The following FRYL variants were observed in gnomAD, a reference collection of about 807,000 sequenced individuals.
FRYL encodes the protein protein furry homolog-like.
A neutral mutation model predicts 351.2 loss-of-function variants in FRYL; 150 were observed. The observed-to-expected ratio is 0.43, with a 90% CI of 0.37 to 0.49. The LOEUF (loss-of-function observed/expected upper bound fraction) is 0.49, where lower values mean the gene tolerates loss of function less well. Among genes scored for constraint, FRYL ranks in the 20% least tolerant of loss-of-function variants. The pLI, the probability that FRYL is intolerant of heterozygous loss-of-function variation, is 0.00. For missense variants in FRYL, 3,036 were observed against 3,619.3 expected, an observed-to-expected ratio of 0.84 and a Z score of 4.13; for synonymous variants, 1,153 against 1,257.1, an observed-to-expected ratio of 0.92 and a Z score of 1.75.
At chr4:48,539,233 A>G (rs2148923409) in intron 47 of FRYL, among the ~76,000 whole-genome samples, 1 of 152,292 alleles carries the variant, frequency 6.6e-6, no homozygotes, top group Non-Finnish European at 1.5e-5. Context: ...TGGAGTAGAG[A>G]GAGAAGATGA....
chr4:48,617,824 C>G lies in FRYL; in HGVS notation c.411+1450G>C, dbSNP rs78122141. On this transcript the variant is annotated intron_variant, in intron 7 of 63. Coordinates refer to ENST00000358350, the MANE Select transcript of FRYL (RefSeq NM_015030.2). Reference sequence around the variant, plus strand: ...AGAAAAGGATGCCATGGGAAATGAACGAAGGAGGAAGGCACAATGGGGCCA... The same window carrying G: ...AGAAAAGGATGCCATGGGAAATGAAGGAAGGAGGAAGGCACAATGGGGCCA... 8.5e-5 allele frequency: 13 copies of G among 152,302 alleles called. No homozygotes were observed. The East Asian group carries it at 2.5e-3, about 29-fold the overall frequency. 9.4% of individuals were successfully genotyped at this position (152,302 alleles called of 1,614,324 possible). A position where few individuals can be genotyped will look rare whatever the true frequency, so the allele number is the denominator to read the frequency against.
chr4:48,528,400 G>T (rs1726750838), intron 50 of FRYL, 64 bp from the exon 51 acceptor site: 4 of 1,279,172 alleles, frequency 3.1e-6, no homozygotes, highest in Non-Finnish European at 1.1e-6. Flanking sequence ...ACTTAAAAGG[G>T]TTAACAGTGC....
At chr4:48,526,549 C>G (rs1726275085) in intron 53 of FRYL, among the ~76,000 whole-genome samples, 1 of 152,054 alleles carries the variant, frequency 6.6e-6, no homozygotes, top group Admixed American at 6.6e-5. Flanking sequence ...TGGATGTGAC[C>G]CTCACCTCCT....
At chr4:48,759,908 T>C (rs775962236) in intron 1 of FRYL, among the ~76,000 whole-genome samples, 22 of 152,220 alleles carry the variant, frequency 1.4e-4, no homozygotes, top group Non-Finnish European at 2.5e-4. Flanking sequence ...GAACATAACA[T>C]GCACAGGTTC....
chr4:48,573,334 G>C (rs1401110491), intron 25 of FRYL, 91 bp from the exon 26 acceptor site: 11 of 815,250 alleles, frequency 1.3e-5, no homozygotes, highest in Middle Eastern at 2.7e-4. Flanking sequence ...AAACTGACAA[G>C]TGTTAATTCC....
chr4:48,741,927 C>G (rs1772130359), intron 1 of FRYL, among the ~76,000 whole-genome samples: 1 of 152,132 alleles, frequency 6.6e-6, no homozygotes, highest in African/African-American at 2.4e-5. Flanking sequence ...ACTTTGTATA[C>G]TATAATAGTG....
At chr4:48,761,999 T>C (rs1774469148) in intron 1 of FRYL, among the ~76,000 whole-genome samples, 1 of 152,118 alleles carries the variant, frequency 6.6e-6, no homozygotes. Context: ...AGATTCCTCA[T>C]GAATAGGATT....
At chr4:48,636,392 C>T (rs1754247073) in intron 3 of FRYL, among the ~76,000 whole-genome samples, 2 of 151,874 alleles carry the variant, frequency 1.3e-5, no homozygotes, top group African/African-American at 2.4e-5. Context: ...AAAGTTTCTC[C>T]GGCTTTAACT....
intron 1 of FRYL, among the ~76,000 whole-genome samples, chr4:48,755,344 T>C (rs1433911265): frequency 3.3e-5 from 5 of 152,156 alleles, no homozygotes; most frequent in African/African-American, 1.2e-4. Context: ...TTGATACACA[T>C]AGCCTCAACA....
chr4:48,609,845 A>C, intron 7 of FRYL, 22 bp from the exon 8 acceptor site: 1 of 1,332,688 alleles, frequency 7.5e-7, no homozygotes, highest in Non-Finnish European at 1.0e-6. Context: ...AAAAATTATC[A>C]AGTAAGAGTT....
At chr4:48,719,357 C>T (rs1327439689) in intron 1 of FRYL, among the ~76,000 whole-genome samples, 1 of 151,500 alleles carries the variant, frequency 6.6e-6, no homozygotes, top group Non-Finnish European at 1.5e-5. Context: ...TATTGAAATT[C>T]CTCTAAAATC....
At chr4:48,607,516 G>T (rs1044364333) in intron 9 of FRYL, among the ~76,000 whole-genome samples, 2 of 151,980 alleles carry the variant, frequency 1.3e-5, no homozygotes, top group Non-Finnish European at 2.9e-5. Flanking sequence ...TAGAATCCAA[G>T]GATTTTTTCC....
rs202093859 is a variant in FRYL at position 48,561,599 on chromosome 4, A to G, written c.3734T>C (p.Leu1245Ser). ...TACTCCATCTGTTCTCTGAACCTCCAATTTGTGAGCATAGCGAAACATCTT... is the reference window on the plus strand; with the variant it reads ...TACTCCATCTGTTCTCTGAACCTCCGATTTGTGAGCATAGCGAAACATCTT... ...EPKMFRYAHK[L>S]EVQRTDGVLS... Residue 1245 changes from leucine (L) to serine (S), a missense_variant, in exon 33 of 64, where the codon TTG (leucine) becomes TCG (serine). Transcript: ENST00000358350. 1.7e-5 allele frequency: 28 copies of G among 1,611,730 alleles called. No individual in the cohort carries two copies. In the African/African-American group the frequency reaches 2.8e-4, roughly 16 times the overall value.
intron 3 of FRYL, among the ~76,000 whole-genome samples, chr4:48,647,562 G>A (rs1279398201): frequency 4.6e-5 from 7 of 152,092 alleles, no homozygotes; most frequent in Non-Finnish European, 7.4e-5. Flanking sequence ...TAATGAGTCC[G>A]ATAATCAGCT....
chr4:48,731,767 T>G (rs998607140), intron 1 of FRYL, among the ~76,000 whole-genome samples: 1 of 152,112 alleles, frequency 6.6e-6, no homozygotes, highest in African/African-American at 2.4e-5. Context: ...TCCTTATACC[T>G]TATACAAAAA....
chr4:48,761,684 T>C (rs1774436241), intron 1 of FRYL, among the ~76,000 whole-genome samples: 1 of 152,182 alleles, frequency 6.6e-6, no homozygotes. Context: ...GAAAAGTATC[T>C]AGACGAGTAA....
At chr4:48,515,540 T>C (rs1241435695) in intron 55 of FRYL, among the ~76,000 whole-genome samples, 1 of 152,002 alleles carries the variant, frequency 6.6e-6, no homozygotes, top group Non-Finnish European at 1.5e-5. Flanking sequence ...GCTAATTTTT[T>C]TTTTGTATTT....
chr4:48,580,692 T>C (rs1389520892), intron 22 of FRYL, 173 bp downstream of exon 22: 1 of 484,768 alleles, frequency 2.1e-6, no homozygotes, highest in Non-Finnish European at 3.6e-6. Flanking sequence ...CAAGTATAAA[T>C]GAATGTCACT....
Position 48,579,241 on chromosome 4 carries a change from T to G in FRYL, c.2260A>C (p.Thr754Pro). ...SFIHLTGADQ[T>P]TLLYCPSSID... is the part of the protein sequence containing the mutation. ...GAGCTAGGGCAATAGAGCAAAGTAG[T>G]CTATATGGAGAGGAAAAAATTGATT... The change falls in exon 23 of 64, where the codon ACT becomes CCT. Residue 754 changes from threonine to proline, a missense_variant and splice_region_variant. Around this residue, in one of 7 missense-constraint regions of FRYL, gnomAD observed 492 missense variants for 551.5 expected, o/e 0.89. Coordinates refer to ENST00000358350, the MANE Select transcript of FRYL (RefSeq NM_015030.2). 7 of 1,596,482 alleles carry G rather than the reference T, an allele frequency of 4.4e-6. No homozygotes were observed. The highest frequency in any genetic ancestry group is 6.0e-6 in the Non-Finnish European group (7 of 1,173,592).
Sources: gnomAD v4.1 joint callset for allele counts (sites outside exome capture counted in the v4.1 genomes callset) on GRCh38, gnomAD v4.1.1 for gene constraint, gnomAD v4.1.1 regional missense constraint, MANE v1.5 for transcripts, NCBI Gene and HGNC (gene_info 2026-07-23, HGNC 2026-07-21) for gene names.